The following AKAP6 variants were observed in gnomAD, a reference collection of about 807,000 sequenced individuals.
AKAP6 encodes the protein A-kinase anchoring protein 6, also known as A-kinase anchor protein 6.
In AKAP6, 58 loss-of-function variants were observed where a neutral mutation model predicts 188.5. The ratio of observed to expected loss-of-function variants is 0.31; its 90% CI spans 0.25 to 0.38. The LOEUF is 0.38. AKAP6 is among the 10% of genes least tolerant of loss of function. The pLI, the probability that AKAP6 is intolerant of heterozygous loss-of-function variation, is 1.00. For missense variants in AKAP6, 2,710 were observed against 2,740.0 expected (o/e 0.99, Z 0.24); for synonymous variants, 989 against 998.6 (o/e 0.99, Z 0.18).
chr14:32,798,267 G>T (rs1177432947), intron 12 of AKAP6, among the ~76,000 whole-genome samples: 1 of 152,184 alleles, frequency 6.6e-6, no homozygotes, highest in Non-Finnish European at 1.5e-5. Flanking sequence ...AGGTTGCAGA[G>T]AAAAGGGAAA....
intron 1 of AKAP6, among the ~76,000 whole-genome samples, chr14:32,386,007 ATATCTATATC>A (rs1888526030): frequency 9.4e-6 from 1 of 106,698 alleles, no homozygotes; most frequent in East Asian, 5.1e-4. Context: ...ATATGTATCT[ATATCTATATC>A]TATCTATCTA....
intron 2 of AKAP6, among the ~76,000 whole-genome samples, chr14:32,471,270 A>T (rs1333446564): frequency 6.6e-6 from 1 of 152,252 alleles, no homozygotes; most frequent in Middle Eastern, 3.2e-3. Flanking sequence ...TGCCAAAGTT[A>T]GCACTAAGTA....
intron 2 of AKAP6, among the ~76,000 whole-genome samples, chr14:32,453,353 C>G (rs1426264880): frequency 3.9e-5 from 6 of 152,062 alleles, no homozygotes; most frequent in African/African-American, 7.2e-5. Flanking sequence ...CCTCTATATC[C>G]CACAGCTCTA....
chr14:32,686,856 CTG>C (rs1889948104), intron 8 of AKAP6, among the ~76,000 whole-genome samples: 12 of 152,134 alleles, frequency 7.9e-5, no homozygotes, highest in Non-Finnish European at 5.9e-5. Flanking sequence ...GTCTCATCAG[CTG>C]TATGCCTGAC....
chr14:32,403,706 A>C (rs1889173884), intron 1 of AKAP6, among the ~76,000 whole-genome samples: 1 of 152,224 alleles, frequency 6.6e-6, no homozygotes, highest in African/African-American at 2.4e-5. Context: ...TGCATGAAAA[A>C]CATTTAAAGC....
chr14:32,718,469 T>A (rs2030350789), intron 9 of AKAP6, among the ~76,000 whole-genome samples: 1 of 152,164 alleles, frequency 6.6e-6, no homozygotes, highest in Non-Finnish European at 1.5e-5. Flanking sequence ...CATACTGGTA[T>A]CGGAACTAAA....
At chr14:32,465,038 C>G (rs113951024) in intron 2 of AKAP6, among the ~76,000 whole-genome samples, 1 of 151,944 alleles carries the variant, frequency 6.6e-6, no homozygotes, top group Admixed American at 6.6e-5. Context: ...ACAAGGGATG[C>G]GAAGGACCTC....
At chr14:32,659,804 T>C (rs570733561) in intron 7 of AKAP6, among the ~76,000 whole-genome samples, 121 of 152,260 alleles carry the variant, frequency 7.9e-4, no homozygotes, top group South Asian at 6.6e-3. Context: ...GAAATCTGCA[T>C]TGATAACTGC....
At chr14:32,408,699 AATATCTCC>A (rs1889376549) in intron 1 of AKAP6, among the ~76,000 whole-genome samples, 1 of 88,822 alleles carries the variant, frequency 1.1e-5, no homozygotes, top group South Asian at 3.1e-4. Flanking sequence ...CTAGTCTAGA[AATATCTCC>A]AAGTAGGAGA....
At chr14:32,612,577 A>G (rs1002098471) in intron 7 of AKAP6, among the ~76,000 whole-genome samples, 1 of 152,152 alleles carries the variant, frequency 6.6e-6, no homozygotes, top group Admixed American at 6.5e-5. Flanking sequence ...CAATCTTTAA[A>G]TCAACTTTTA....
At chr14:32,799,710 T>G (rs1213538080) in intron 12 of AKAP6, among the ~76,000 whole-genome samples, 1 of 152,158 alleles carries the variant, frequency 6.6e-6, no homozygotes, top group Non-Finnish European at 1.5e-5. Flanking sequence ...TTTGTTAAGG[T>G]GTGTTTTGTG....
chr14:32,618,176 T>C (rs10152033), intron 7 of AKAP6, among the ~76,000 whole-genome samples: 3,743 of 152,222 alleles, frequency 0.025, 115 homozygotes, highest in African/African-American at 0.085. Flanking sequence ...GAAATTTTAT[T>C]TTTACTTTTT....
chr14:32,627,305 T>G (rs1188804709), intron 7 of AKAP6, among the ~76,000 whole-genome samples: 12 of 152,130 alleles, frequency 7.9e-5, no homozygotes, highest in Non-Finnish European at 1.6e-4. Flanking sequence ...TTGGGGTATC[T>G]CATATATCAG....
At chr14:32,697,567 T>G (rs1209113141) in intron 9 of AKAP6, among the ~76,000 whole-genome samples, 1 of 152,172 alleles carries the variant, frequency 6.6e-6, no homozygotes, top group Non-Finnish European at 1.5e-5. Context: ...CCCTAAGACT[T>G]AAGTATTAAG....
In AKAP6 at chr14:32,600,748, A is replaced by G; in HGVS notation, c.2686A>G (p.Thr896Ala). 6.2e-7 allele frequency: 1 copy of G among 1,613,248 alleles called. No homozygotes were observed. Among genetic ancestry groups the G allele is most frequent in the Non-Finnish European group, 8.5e-7 (1 of 1,179,656 alleles). The change falls in exon 7 of 14, where the codon ACT becomes GCT. Residue 896 changes from threonine to alanine, a missense_variant. Coordinates refer to ENST00000280979, the MANE Select transcript of AKAP6 (RefSeq NM_004274.5). ...LDTIKAEILATDVSVEDEEGT... is the reference protein window; with the variant it reads ...LDTIKAEILAADVSVEDEEGT... ...TACCATCAAAGCCGAGATACTGGCT[A>G]CTGATGTGTCTGTGGAGGATGAGGA...
chr14:32,595,261 A>G (rs1005424020), intron 5 of AKAP6, among the ~76,000 whole-genome samples: 1 of 151,870 alleles, frequency 6.6e-6, no homozygotes. Context: ...TGACTCTTTC[A>G]TGGTTCTTGG....
intron 9 of AKAP6, among the ~76,000 whole-genome samples, chr14:32,724,052 TC>T (rs1290499912): frequency 4.5e-5 from 6 of 131,970 alleles, no homozygotes. Context: ...ACATTACAAA[TC>T]AGGTCTTTTT....
chr14:32,824,687 G>T lies in AKAP6; in HGVS notation c.6874G>T (p.Ala2292Ser), dbSNP rs375612537. 5 of 1,613,816 alleles carry T rather than the reference G, an allele frequency of 3.1e-6. No individual in the cohort carries two copies. Among genetic ancestry groups the T allele is most frequent in the Non-Finnish European group, 3.4e-6 (4 of 1,179,886 alleles). The change falls in exon 13 of 14, where the codon GCA (alanine) becomes TCA (serine). Residue 2292 changes from alanine (A) to serine (S), a missense_variant. Ala to Ser is a moderately conservative substitution (Grantham distance 99, BLOSUM62 1). Coordinates refer to ENST00000280979, the MANE Select transcript of AKAP6 (RefSeq NM_004274.5). ...GGCAAATCAGCCAACAGACAAGGCCGCATTGCATCCCAGCCCCAAAACTTT... is the reference window on the plus strand; with the variant it reads ...GGCAAATCAGCCAACAGACAAGGCCTCATTGCATCCCAGCCCCAAAACTTT... ...LKANQPTDKA[A>S]LHPSPKTLTC... is the part of the protein sequence containing the mutation.
intron 12 of AKAP6, among the ~76,000 whole-genome samples, chr14:32,805,835 G>A (rs1185425154): frequency 6.6e-6 from 1 of 152,072 alleles, no homozygotes; most frequent in East Asian, 1.9e-4. Flanking sequence ...AAGATGCTAT[G>A]TTTAGACATC....
Sources: allele counts gnomAD v4.1 joint callset (sites outside exome capture counted in the v4.1 genomes callset), GRCh38; gene constraint gnomAD v4.1.1; transcripts MANE v1.5; gene names NCBI Gene and HGNC (gene_info 2026-07-23, HGNC 2026-07-21).